Variants in POU4F1 observed in about 807,000 individuals in gnomAD.
POU4F1 encodes POU domain, class 4, transcription factor 1.
A neutral mutation model predicts 19.8 loss-of-function variants in POU4F1; 5 were observed. The observed-to-expected ratio is 0.25, with a 90% CI of 0.13 to 0.53. The LOEUF is 0.53. POU4F1 is among the 20% of genes least tolerant of loss of function. The pLI is 0.96. For missense variants in POU4F1, 408 were observed against 511.6 expected, an observed-to-expected ratio of 0.80 and a Z score of 1.95; for synonymous variants, 266 against 247.7, an observed-to-expected ratio of 1.07 and a Z score of -0.69.
At position 78,600,515 on chromosome 13, in the gene POU4F1, C is replaced by T. The variant is rs1874649814; in HGVS notation, c.*900G>A. On this transcript the variant is annotated 3_prime_UTR_variant, in exon 2 of 2. Transcript: ENST00000377208. ...AGACTATGCCCTTCTCTCCAAAGAC[C>T]CCCACCCCAACAGGACCAGGCCACC... The T allele has an allele frequency of 6.6e-6, 1 of 152,072 alleles. No homozygotes were observed. Among genetic ancestry groups the T allele is most frequent in the Non-Finnish European group, 1.5e-5 (1 of 68,038 alleles). The allele number at this position is 152,072 out of a possible 1,614,324, so 9.4% of individuals were successfully genotyped here.
chr13:78,601,126 T>G lies in POU4F1; in HGVS notation c.*289A>C. 1 of 418,406 alleles carries G rather than the reference T, an allele frequency of 2.4e-6. No individual in the cohort carries two copies. The highest frequency in any genetic ancestry group is 4.3e-6 in the Non-Finnish European group (1 of 233,040). The allele number at this position is 418,406 out of a possible 1,614,324, so 25.9% of individuals were successfully genotyped here. On this transcript the variant is annotated 3_prime_UTR_variant, in exon 2 of 2. Transcript: ENST00000377208. ...CCATCCTGCTCCTTAAAACCCCTGC[T>G]CGGGTCTCCGCTTTCCTTCCCCCCA...
At position 78,603,501 on chromosome 13, in the gene POU4F1, C is replaced by A; in HGVS notation, c.-175G>T. The A allele has an allele frequency of 2.8e-6, 3 of 1,059,080 alleles. No homozygotes were observed. The highest frequency in any genetic ancestry group is 3.5e-6 in the Non-Finnish European group (3 of 846,516). 65.6% of individuals were successfully genotyped at this position (1,059,080 alleles called of 1,614,324 possible). ...TGCTGCTGCCAGGCGCTCCCTCTGA[C>A]CGCGCAGAGCGCCGCGCGCCGGCCT... is the stretch of plus-strand genomic sequence containing the variant. On this transcript the variant is annotated 5_prime_UTR_variant, in exon 1 of 2. Coordinates refer to ENST00000377208, the MANE Select transcript of POU4F1 (RefSeq NM_006237.4).
rs560121435 is a variant in POU4F1 at position 78,603,528 on chromosome 13, G to C, written c.-202C>G. 461 of 779,982 alleles carry C rather than the reference G, an allele frequency of 5.9e-4. 3 individuals are homozygous for C. The African/African-American group carries it at 7.2e-3, about 12-fold the overall frequency. 48.3% of individuals were successfully genotyped at this position (779,982 alleles called of 1,614,324 possible). ...GCGCAGAGCGCCGCGCGCCGGCCTC[G>C]CGGTCCCGCTTCTCCGACAGCTCTA... On this transcript the variant is annotated 5_prime_UTR_variant, in exon 1 of 2. Coordinates refer to ENST00000377208, the MANE Select transcript of POU4F1 (RefSeq NM_006237.4).
Position 78,603,223 on chromosome 13 carries a change from G to C in POU4F1, c.104C>G (p.Ala35Gly). 1 of 1,552,988 alleles carries C rather than the reference G, an allele frequency of 6.4e-7. No homozygotes were observed. Among genetic ancestry groups the C allele is most frequent in the Non-Finnish European group, 8.7e-7 (1 of 1,151,110 alleles). The change falls in exon 1 of 2, where the codon GCC becomes GGC. Residue 35 changes from alanine to glycine, a missense_variant. Ala to Gly is a moderately conservative substitution (Grantham distance 60). Transcript: ENST00000377208. ...GCTTACCGGCGGCGTGGGCAGGCAG[G>C]CCCGCCGGATGGCCTCGGAGCTGGA... ...LHSSSEAIRR[A>G]CLPTPPLQSN...
At chr13:78,603,097 GCAGTTCCCCGCAC>G (rs1874779013) in intron 1 of POU4F1, 94 bp downstream of exon 1, 8 of 903,692 alleles carry the variant, frequency 8.9e-6, no homozygotes, top group Non-Finnish European at 1.2e-5. Context: ...CCCCCTGCCC[GCAGTTCCCCGCAC>G]CGGGACCTGC....
Position 78,599,881 on chromosome 13 carries a change from A to T in POU4F1, c.*1534T>A, listed in dbSNP as rs979939680. ...TGTAAGGTACCTGATTATTACTATG[A>T]AATACTATACATGATTTTCTATTTG... On this transcript the variant is annotated 3_prime_UTR_variant, in exon 2 of 2. Coordinates refer to ENST00000377208, the MANE Select transcript of POU4F1 (RefSeq NM_006237.4). 3 of 152,646 alleles carry T rather than the reference A, an allele frequency of 2.0e-5. No individual in the cohort carries two copies. Among genetic ancestry groups the T allele is most frequent in the African/African-American group, 7.2e-5 (3 of 41,448 alleles). 9.5% of individuals were successfully genotyped at this position (152,646 alleles called of 1,614,324 possible). A position where few individuals can be genotyped will look rare whatever the true frequency, so the allele number is the denominator to read the frequency against.
chr13:78,602,254 C>G lies in POU4F1; in HGVS notation c.421G>C (p.Gly141Arg). 3.0e-6 allele frequency: 3 copies of G among 997,870 alleles called. No individual in the cohort carries two copies. The highest frequency in any genetic ancestry group is 3.6e-6 in the Non-Finnish European group (3 of 839,340). The allele number at this position is 997,870 out of a possible 1,614,324, so 61.8% of individuals were successfully genotyped here. A position where few individuals can be genotyped will look rare whatever the true frequency, so the allele number is the denominator to read the frequency against. Residue 141 changes from glycine (G) to arginine (R), a missense_variant, in exon 2 of 2, where the codon GGC becomes CGC. Physicochemically the swap from Gly to Arg is moderately radical, Grantham distance 125 (BLOSUM62 -2). Around this residue, in one of 4 missense-constraint regions of POU4F1, gnomAD observed 294 missense variants for 288.2 expected, o/e 1.02. Transcript: ENST00000377208. Reference sequence around the variant, plus strand: ...CCCCCCGGGCCGTCGTGGGCGCCGCCGCCGCCGGCCGCCGCGCCCGCGCCG... The same window carrying G: ...CCCCCCGGGCCGTCGTGGGCGCCGCGGCCGCCGGCCGCCGCGCCCGCGCCG... ...AGGAGAAAGG[G>R]GAHDGPGGGG...
chr13:78,602,534 G>A lies in POU4F1; in HGVS notation c.141C>T (p.Phe47=). 6.4e-7 allele frequency: 1 copy of A among 1,559,970 alleles called. No homozygotes were observed. The highest frequency in any genetic ancestry group is 1.2e-5 in the South Asian group (1 of 84,030). The change falls in exon 2 of 2, where the codon TTC becomes TTT. Residue 47 remains phenylalanine, a synonymous_variant. Coordinates refer to ENST00000377208, the MANE Select transcript of POU4F1 (RefSeq NM_006237.4). ...CCAGCAGCGTCTCGTCCAGGCTGGC[G>A]AAGAGGTTGCTCTGCAGCTGCAGGC... ...LPTPPLQSNL[F]ASLDETLLAR...
rs1408238120 is a variant in POU4F1 at position 78,601,947 on chromosome 13, G to T, written c.728C>A (p.Ala243Glu). Residue 243 changes from alanine (A) to glutamate (E), a missense_variant, in exon 2 of 2, where the codon GCA becomes GAA. Ala to Glu is a moderately radical substitution (Grantham distance 107). Around this residue, in one of 4 missense-constraint regions of POU4F1, gnomAD observed 294 missense variants for 288.2 expected, o/e 1.02. Transcript: ENST00000377208. The part of the protein sequence containing the change: ...AAAAAGQVAA[A>E]SAAAAVVGAA... ...GCCCACCACGGCCGCCGCCGCCGAT[G>T]CCGCTGCCACCTGCCCGGCCGCCGC... The T allele has an allele frequency of 4.0e-6, 5 of 1,245,848 alleles. No individual in the cohort carries two copies. The East Asian group carries it at 9.5e-5, about 24-fold the overall frequency. 77.2% of individuals were successfully genotyped at this position (1,245,848 alleles called of 1,614,324 possible).
Position 78,601,244 on chromosome 13 carries a change from C to T in POU4F1, c.*171G>A, listed in dbSNP as rs149761645. 843 of 1,228,526 alleles carry T rather than the reference C, an allele frequency of 6.9e-4. 2 individuals carry two copies. Among genetic ancestry groups the T allele is most frequent in the Middle Eastern group, 3.7e-3 (13 of 3,494 alleles). 76.1% of individuals were successfully genotyped at this position (1,228,526 alleles called of 1,614,324 possible). A position where few individuals can be genotyped will look rare whatever the true frequency, so the allele number is the denominator to read the frequency against. On this transcript the variant is annotated 3_prime_UTR_variant, in exon 2 of 2. Transcript: ENST00000377208. ...CCCAGTCCTCAAGGCTAGGGGACAG[C>T]AAAGGCAGGAAAATCAGAGAATGGG...
chr13:78,601,865 C>T lies in POU4F1; in HGVS notation c.810G>A (p.Ala270=). 6.3e-7 allele frequency: 1 copy of T among 1,595,782 alleles called. No individual in the cohort carries two copies. Among genetic ancestry groups the T allele is most frequent in the Non-Finnish European group, 8.5e-7 (1 of 1,175,610 alleles). Residue 270 remains alanine, a synonymous_variant, in exon 2 of 2, where the codon GCG becomes GCA. Coordinates refer to ENST00000377208, the MANE Select transcript of POU4F1 (RefSeq NM_006237.4). ...GCCGCTGCTTGAAGCGCTCCGCGAACGCCTCGAGCTCGCGCGGGTCCGTGT... is the reference window on the plus strand; with the variant it reads ...GCCGCTGCTTGAAGCGCTCCGCGAATGCCTCGAGCTCGCGCGGGTCCGTGT... ...DSDTDPRELE[A]FAERFKQRRI...
rs886976374 is a variant in POU4F1, at chr13:78,602,046, A to T, written c.629T>A (p.Met210Lys). 1.4e-5 allele frequency: 7 copies of T among 504,518 alleles called. No homozygotes were observed. The highest frequency in any genetic ancestry group is 8.2e-5 in the South Asian group (1 of 12,144). 31.3% of individuals were successfully genotyped at this position (504,518 alleles called of 1,614,324 possible). A position where few individuals can be genotyped will look rare whatever the true frequency, so the allele number is the denominator to read the frequency against. ...SHPAAAAAMN[M>K]PSGLPHPGLV... is the part of the protein sequence containing the mutation. ...CCCGGGGTGCGGCAGCCCGGACGGC[A>T]TGTTCATGGCGGCCGCCGCCGCGGG... The change falls in exon 2 of 2, where the codon ATG becomes AAG. Residue 210 changes from methionine (M) to lysine (K), a missense_variant. Transcript: ENST00000377208.
chr13:78,601,153 T>A lies in POU4F1; in HGVS notation c.*262A>T. The A allele has an allele frequency of 3.4e-5, 1 of 29,342 alleles. No individual in the cohort carries two copies. Among genetic ancestry groups the A allele is most frequent in the Non-Finnish European group, 7.0e-5 (1 of 14,368 alleles). 1.8% of individuals were successfully genotyped at this position (29,342 alleles called of 1,614,324 possible). A position where few individuals can be genotyped will look rare whatever the true frequency, so the allele number is the denominator to read the frequency against. Reference sequence around the variant, plus strand: ...GGGTCTCCGCTTTCCTTCCCCCCACTCCCCACTCCCCCGAATGCTCCCCCC... The same window carrying A: ...GGGTCTCCGCTTTCCTTCCCCCCACACCCCACTCCCCCGAATGCTCCCCCC... On this transcript the variant is annotated 3_prime_UTR_variant, in exon 2 of 2. Transcript: ENST00000377208.
chr13:78,602,199 G>A lies in POU4F1; in HGVS notation c.476C>T (p.Pro159Leu), dbSNP rs1207366188. Residue 159 changes from proline to leucine, a missense_variant, in exon 2 of 2, where the codon CCG (proline) becomes CTG (leucine). Coordinates refer to ENST00000377208, the MANE Select transcript of POU4F1 (RefSeq NM_006237.4). The part of the protein sequence containing the change: ...GGGGPGGGGG[P>L]GGGPGGGGGG... Reference sequence around the variant, plus strand: ...GCCGCCTCCCCCGGGGCCGCCGCCCGGGCCGCCGCCGCCGCCCGGGCCGCC... The same window carrying A: ...GCCGCCTCCCCCGGGGCCGCCGCCCAGGCCGCCGCCGCCGCCCGGGCCGCC... The A allele has an allele frequency of 1.9e-5, 6 of 311,720 alleles. No individual in the cohort carries two copies. The highest frequency in any genetic ancestry group is 2.5e-5 in the Non-Finnish European group (6 of 237,720). 19.3% of individuals were successfully genotyped at this position (311,720 alleles called of 1,614,324 possible).
In POU4F1 at chr13:78,601,186, C is replaced by T. The variant is rs1364185522; in HGVS notation, c.*229G>A. On this transcript the variant is annotated 3_prime_UTR_variant, in exon 2 of 2. Transcript: ENST00000377208. ...CCCCCGAATGCTCCCCCCCTTCTCC[C>T]CTACCCTATACTCCAATCCCCACAC... The T allele has an allele frequency of 7.1e-6, 4 of 561,798 alleles. No individual in the cohort carries two copies. The highest frequency in any genetic ancestry group is 3.4e-5 in the Admixed American group (1 of 29,402). The allele number at this position is 561,798 out of a possible 1,614,324, so 34.8% of individuals were successfully genotyped here. A position where few individuals can be genotyped will look rare whatever the true frequency, so the allele number is the denominator to read the frequency against.
At position 78,601,408 on chromosome 13, in the gene POU4F1, A is replaced by G; in HGVS notation, c.*7T>C. 1 of 1,613,514 alleles carries G rather than the reference A, an allele frequency of 6.2e-7. No individual in the cohort carries two copies. Among genetic ancestry groups the G allele is most frequent in the South Asian group, 1.1e-5 (1 of 91,074 alleles). On this transcript the variant is annotated 3_prime_UTR_variant, in exon 2 of 2. Coordinates refer to ENST00000377208, the MANE Select transcript of POU4F1 (RefSeq NM_006237.4). ...CATTCTGTCCCGCCCGACACCTCCC[A>G]GCCCCCTCAGTAAGTGGCAGAGAAT...
chr13:78,601,628 G>A lies in POU4F1; in HGVS notation c.1047C>T (p.Leu349=). The change falls in exon 2 of 2, where the codon CTC becomes CTT. Residue 349 remains leucine, a synonymous_variant. Coordinates refer to ENST00000377208, the MANE Select transcript of POU4F1 (RefSeq NM_006237.4). The part of the protein sequence containing the change: ...AQREKMNKPE[L]FNGGEKKRKR... ...TGCGCTTCTTCTCGCCGCCGTTGAA[G>A]AGCTCAGGCTTGTTCATTTTCTCGC... The A allele has an allele frequency of 6.2e-7, 1 of 1,613,934 alleles. No individual in the cohort carries two copies. The highest frequency in any genetic ancestry group is 8.5e-7 in the Non-Finnish European group (1 of 1,180,008).
intron 1 of POU4F1, 148 bp from the exon 2 acceptor site, chr13:78,602,699 G>T: frequency 1.1e-6 from 1 of 911,650 alleles, no homozygotes; most frequent in Non-Finnish European, 1.5e-6. Flanking sequence ...TGGGGGCAGT[G>T]GAGAGCGGGA....
Position 78,601,826 on chromosome 13 carries a change from G to A in POU4F1, c.849C>T (p.Gly283=), listed in dbSNP as rs1365533755. The change falls in exon 2 of 2, where the codon GGC becomes GGT. Residue 283 remains glycine, a synonymous_variant. Transcript: ENST00000377208. ...CCGAGCCCACGTCGGCCTGCGTCAC[G>A]CCCAGCTTGATGCGCCGCTGCTTGA... ...ERFKQRRIKL[G]VTQADVGSAL... is the part of the protein sequence containing the mutation. 6 of 1,610,288 alleles carry A rather than the reference G, an allele frequency of 3.7e-6. No individual in the cohort carries two copies. Among genetic ancestry groups the A allele is most frequent in the Non-Finnish European group, 5.1e-6 (6 of 1,179,424 alleles).
Sources: gnomAD v4.1 joint callset for allele counts on GRCh38, gnomAD v4.1.1 for gene constraint, gnomAD v4.1.1 regional missense constraint, MANE v1.5 for transcripts, NCBI Gene and HGNC (gene_info 2026-07-23, HGNC 2026-07-21) for gene names.